CHIC1: variants seen among roughly 807,000 people sequenced by gnomAD.
CHIC1 encodes the protein cysteine-rich hydrophobic domain-containing protein 1.
In CHIC1, 7 loss-of-function variants were observed where a neutral mutation model predicts 18.5. That is an observed-to-expected ratio of 0.38 (90% CI 0.22 to 0.71). The LOEUF (loss-of-function observed/expected upper bound fraction) is 0.71, where lower values mean the gene tolerates loss of function less well. Ranked by LOEUF, CHIC1 falls within the 30% of genes least tolerant of loss-of-function variation. CHIC1 has a pLI of 0.49. For synonymous variants in CHIC1, 77 were observed against 73.5 expected (o/e 1.05, Z -0.25); for missense variants, 159 against 176.9 (o/e 0.90, Z 0.57).
intron 3 of CHIC1, among the ~76,000 whole-genome samples, chrX:73,655,443 CATATAT>C (rs1171857952): frequency 4.4e-5 from 2 of 44,993 alleles, no homozygotes; most frequent in African/African-American, 1.4e-4. Flanking sequence ...TATATATATA[CATATAT>C]ACACAATATT....
At chrX:73,670,469 T>C (rs1250932085) in intron 3 of CHIC1, among the ~76,000 whole-genome samples, 1 of 110,226 alleles carries the variant, frequency 9.1e-6, no homozygotes, top group Non-Finnish European at 1.9e-5. Flanking sequence ...TCATATTTTT[T>C]AGTCTCTATT....
chrX:73,631,408 C>G (rs1046178712), intron 3 of CHIC1, among the ~76,000 whole-genome samples: 1 of 110,197 alleles, frequency 9.1e-6, no homozygotes, highest in Non-Finnish European at 1.9e-5. Context: ...GGGCAGATCA[C>G]CTGAGGTTGG....
intron 3 of CHIC1, among the ~76,000 whole-genome samples, chrX:73,600,017 G>A (rs1204216194): frequency 2.0e-5 from 2 of 101,039 alleles, no homozygotes; most frequent in East Asian, 5.8e-4. Context: ...GTTGAGCAGT[G>A]GTTTGTAGTT....
intron 3 of CHIC1, among the ~76,000 whole-genome samples, chrX:73,614,955 T>C (rs2057725687): frequency 9.0e-6 from 1 of 111,514 alleles, no homozygotes; most frequent in South Asian, 3.7e-4. Flanking sequence ...TGTTTTTTTG[T>C]GTGTGTCCTT....
intron 2 of CHIC1, among the ~76,000 whole-genome samples, 153 bp from the exon 3 acceptor site, chrX:73,584,264 G>A (rs139233756): frequency 2.0e-3 from 222 of 111,376 alleles, no homozygotes; most frequent in Middle Eastern, 4.6e-3. Context: ...GCTTTTCAAC[G>A]TCATCCTAGA....
intron 2 of CHIC1, among the ~76,000 whole-genome samples, chrX:73,581,971 T>C (rs776333460): frequency 9.0e-6 from 1 of 110,775 alleles, no homozygotes; most frequent in Admixed American, 9.6e-5. Flanking sequence ...CTCTTCCCTC[T>C]TTTATTCTCT....
chrX:73,641,749 G>A (rs1428872674), intron 3 of CHIC1, among the ~76,000 whole-genome samples: 7 of 108,521 alleles, frequency 6.5e-5, no homozygotes, highest in Non-Finnish European at 9.5e-5. Flanking sequence ...GTTCCCACCT[G>A]TGAGTGAGAA....
intron 3 of CHIC1, among the ~76,000 whole-genome samples, chrX:73,602,486 G>C (rs2057656371): frequency 9.2e-6 from 1 of 108,627 alleles, no homozygotes; most frequent in African/African-American, 3.6e-5. Context: ...TCTGATGATA[G>C]TTTCTTTTGC....
At chrX:73,674,916 G>T (rs1020938179) in intron 3 of CHIC1, among the ~76,000 whole-genome samples, 3 of 111,892 alleles carry the variant, frequency 2.7e-5, no homozygotes, top group Non-Finnish European at 3.8e-5. Context: ...ATGTGTCCCA[G>T]AGATTCTGGT....
chrX:73,600,662 C>T (rs2057641654), intron 3 of CHIC1, among the ~76,000 whole-genome samples: 1 of 107,377 alleles, frequency 9.3e-6, no homozygotes, highest in South Asian at 3.9e-4. Context: ...ATTGAACCAG[C>T]CTTGCATCCC....
At chrX:73,624,969 A>G (rs1011849453) in intron 3 of CHIC1, among the ~76,000 whole-genome samples, 1 of 112,328 alleles carries the variant, frequency 8.9e-6, no homozygotes, top group Non-Finnish European at 1.9e-5. Context: ...GCATAAAGAA[A>G]GAGGACAGAA....
intron 2 of CHIC1, among the ~76,000 whole-genome samples, chrX:73,582,786 G>A (rs1345748259): frequency 2.7e-5 from 3 of 110,152 alleles, no homozygotes; most frequent in Admixed American, 9.7e-5. Context: ...TCATTTTATC[G>A]GTGGGAAACT....
chrX:73,612,244 G>T (rs758042112), intron 3 of CHIC1, among the ~76,000 whole-genome samples: 1 of 111,956 alleles, frequency 8.9e-6, no homozygotes, highest in East Asian at 2.8e-4. Flanking sequence ...CATATGGCTA[G>T]CCAGTAGAAA....
At chrX:73,563,183 C>G, upstream of CHIC1, 2 of 883,516 alleles carry the variant, frequency 2.3e-6, no homozygotes, top group Non-Finnish European at 2.8e-6. Flanking sequence ...CCTGTCCCTA[C>G]ACCCCTCCTC....
chrX:73,616,927 C>T (rs1002209150), intron 3 of CHIC1, among the ~76,000 whole-genome samples: 2 of 112,464 alleles, frequency 1.8e-5, no homozygotes, highest in African/African-American at 6.5e-5. Flanking sequence ...TGGCAATTCA[C>T]ATTTGGCTCC....
chrX:73,654,427 T>C (rs774956924), intron 3 of CHIC1, among the ~76,000 whole-genome samples: 11 of 112,345 alleles, frequency 9.8e-5, no homozygotes, highest in African/African-American at 2.9e-4. Context: ...TTACTAGATA[T>C]TCATTTTGCT....
rs749733212 is a variant in CHIC1, at chrX:73,612,657, G to A, written c.507+28085G>A. 7.2e-5 allele frequency among the ~76,000 whole-genome samples: 8 copies of A among 111,366 alleles called. No homozygotes were observed. The East Asian group carries it at 1.1e-3, about 16-fold the overall frequency. The stretch of plus-strand genomic sequence containing the variant: ...TATTGATATCTAGTTTTGTTCCATC[G>A]TGACCTGAAAAGATCAGTGATAGAA... On this transcript the variant is annotated intron_variant, in intron 3 of 5. Transcript: ENST00000373502.
chrX:73,675,871 G>T (rs368601603), intron 3 of CHIC1, among the ~76,000 whole-genome samples: 1 of 110,122 alleles, frequency 9.1e-6, no homozygotes, highest in Non-Finnish European at 1.9e-5. Flanking sequence ...GGCTGGTACC[G>T]GTTGTTCCTT....
chrX:73,677,779 G>A (rs1036674789), intron 3 of CHIC1, among the ~76,000 whole-genome samples: 1 of 112,101 alleles, frequency 8.9e-6, no homozygotes, highest in Admixed American at 9.4e-5. Context: ...CCAGTGAGAT[G>A]AACCCGGTAC....
Sources: gnomAD v4.1 joint callset for allele counts (sites outside exome capture counted in the v4.1 genomes callset) on GRCh38, gnomAD v4.1.1 for gene constraint, MANE v1.5 for transcripts, NCBI Gene and HGNC (gene_info 2026-07-23, HGNC 2026-07-21) for gene names.